Variants in AGAP1 observed in about 807,000 individuals in gnomAD.
The protein encoded by AGAP1 is ArfGAP with GTPase domain, ankyrin repeat and PH domain 1.
A neutral mutation model predicts 105.3 loss-of-function variants in AGAP1; 29 were observed. The ratio of observed to expected loss-of-function variants is 0.28; its 90% CI spans 0.21 to 0.38. The LOEUF is 0.38. Ranked by LOEUF, AGAP1 falls within the 10% of genes least tolerant of loss-of-function variation. The probability of loss-of-function intolerance (pLI) is 1.00; values close to 1 mark genes in which losing one functional copy is unlikely to be tolerated. For missense variants in AGAP1, 998 were observed against 1,165.1 expected, an observed-to-expected ratio of 0.86 and a Z score of 2.09; for synonymous variants, 509 against 485.9, an observed-to-expected ratio of 1.05 and a Z score of -0.63.
At position 235,838,285 on chromosome 2, in the gene AGAP1, T is replaced by C. The variant is rs1358011572; in HGVS notation, c.1050+30954T>C. On this transcript the variant is annotated intron_variant, in intron 9 of 17. Transcript: ENST00000304032. Reference sequence around the variant, plus strand: ...ATTGACAATCAAGCCATCTCACAAATGTAAGTAAATGGCACTATTGATAAA... The same window carrying C: ...ATTGACAATCAAGCCATCTCACAAACGTAAGTAAATGGCACTATTGATAAA... Among the ~76,000 whole-genome samples the C allele has an allele frequency of 2.0e-5, 3 of 151,270 alleles. No homozygotes were observed. In the Admixed American group the frequency reaches 2.0e-4, roughly 10 times the overall value.
rs2056085745 is a variant in AGAP1, at chr2:236,000,782, G to A, written c.1645+32159G>A. On this transcript the variant is annotated intron_variant, in intron 13 of 17. Transcript: ENST00000304032. The surrounding 1 kb of genome is among the most constrained non-coding windows in gnomAD (Gnocchi z 4.3). ...TTTGCAGTGAGGGCCACTAAGGGGG[G>A]CGGAGAAGACCCCTGACAGCAAGAA... 6.6e-6 allele frequency among the ~76,000 whole-genome samples: 1 copy of A among 152,224 alleles called. No homozygotes were observed.
chr2:235,544,742 C>T (rs987253246), intron 1 of AGAP1, among the ~76,000 whole-genome samples: 1 of 152,192 alleles, frequency 6.6e-6, no homozygotes, highest in Non-Finnish European at 1.5e-5. Flanking sequence ...GAGGCTCTCC[C>T]ACACTGCAAC....
At position 235,993,489 on chromosome 2, in the gene AGAP1, G is replaced by A. The variant is rs2055661977; in HGVS notation, c.1645+24866G>A. 6.6e-6 allele frequency among the ~76,000 whole-genome samples: 1 copy of A among 152,224 alleles called. No individual in the cohort carries two copies. Among genetic ancestry groups the A allele is most frequent in the Non-Finnish European group, 1.5e-5 (1 of 68,038 alleles). ...TGGAAGACAGGGAGCACCTCTGCAGGCCTATAGGGAGGTAGTAATTGGATT... is the reference window on the plus strand; with the variant it reads ...TGGAAGACAGGGAGCACCTCTGCAGACCTATAGGGAGGTAGTAATTGGATT... On this transcript the variant is annotated intron_variant, in intron 13 of 17. Transcript: ENST00000304032. This position sits in a 1 kb window ranked among gnomAD's most constrained non-coding sequence, Gnocchi z 5.0.
rs1302841625 is a variant in AGAP1 at position 235,723,989 on chromosome 2, G to A, written c.310+6345G>A. Among the ~76,000 whole-genome samples, 2 of 152,182 alleles carry A rather than the reference G, an allele frequency of 1.3e-5. No homozygotes were observed. Among genetic ancestry groups the A allele is most frequent in the Non-Finnish European group, 1.5e-5 (1 of 68,026 alleles). The stretch of plus-strand genomic sequence containing the variant: ...CCACTGAGGCCCAGCGGCTGCCTGC[G>A]AGGGTCAGTGGTGTCGTAGCCTGCT... On this transcript the variant is annotated intron_variant, in intron 3 of 17. Transcript: ENST00000304032. This position sits in a 1 kb window ranked among gnomAD's most constrained non-coding sequence, Gnocchi z 6.2.
intron 9 of AGAP1, among the ~76,000 whole-genome samples, chr2:235,868,486 G>C (rs766756240): frequency 5.3e-5 from 8 of 152,132 alleles, no homozygotes; most frequent in African/African-American, 1.7e-4. Flanking sequence ...GGCGCCGCCT[G>C]CGTTGAGACT....
intron 15 of AGAP1, among the ~76,000 whole-genome samples, chr2:236,048,536 T>C (rs945309994): frequency 1.3e-5 from 2 of 152,194 alleles, no homozygotes; most frequent in African/African-American, 4.8e-5. Flanking sequence ...AGTGTACCTC[T>C]CTCTCATCTT....
chr2:235,626,980 C>G (rs980415313), intron 1 of AGAP1, among the ~76,000 whole-genome samples: 1 of 152,142 alleles, frequency 6.6e-6, no homozygotes, highest in Non-Finnish European at 1.5e-5. Flanking sequence ...GTCATTCCAG[C>G]GCATAGATAT....
rs1321107481 is a variant in AGAP1 at position 235,535,179 on chromosome 2, C to T, written c.163+40330C>T. Among the ~76,000 whole-genome samples, 3 of 152,072 alleles carry T rather than the reference C, an allele frequency of 2.0e-5. No homozygotes were observed. Among genetic ancestry groups the T allele is most frequent in the Admixed American group, 6.5e-5 (1 of 15,280 alleles). ...AGGTCAGCCTCCCTCCACCGGGCCA[C>T]CCGCACCAGGTTGCCTCCCATCGTT... On this transcript the variant is annotated intron_variant, in intron 1 of 17. Coordinates refer to ENST00000304032, the MANE Select transcript of AGAP1 (RefSeq NM_001037131.3). The surrounding 1 kb of genome is among the most constrained non-coding windows in gnomAD (Gnocchi z 5.1).
intron 6 of AGAP1, among the ~76,000 whole-genome samples, chr2:235,760,598 T>C (rs1954357610): frequency 6.6e-6 from 1 of 152,238 alleles, no homozygotes; most frequent in Admixed American, 6.5e-5. Context: ...TTATTATTTC[T>C]TAATTGAGAC....
In AGAP1 at chr2:235,965,435, A is replaced by G. The variant is rs147424321; in HGVS notation, c.1484-3027A>G. ...AACAGTGTGCCGTTTTGAAGAAGCAATGGTGAAGGAAGCCAGACTTCAAGG... is the reference window on the plus strand; with the variant it reads ...AACAGTGTGCCGTTTTGAAGAAGCAGTGGTGAAGGAAGCCAGACTTCAAGG... On this transcript the variant is annotated intron_variant, in intron 12 of 17. Coordinates refer to ENST00000304032, the MANE Select transcript of AGAP1 (RefSeq NM_001037131.3). The surrounding 1 kb of genome is among the most constrained non-coding windows in gnomAD (Gnocchi z 5.8). Among the ~76,000 whole-genome samples the G allele has an allele frequency of 4.2e-3, 647 of 152,290 alleles. 3 individuals are homozygous for G. The highest frequency in any genetic ancestry group is 5.5e-3 in the African/African-American group (230 of 41,562).
At position 235,565,506 on chromosome 2, in the gene AGAP1, T is replaced by TG. The variant is rs1249401345; in HGVS notation, c.163+70661dup. 1.5e-3 allele frequency among the ~76,000 whole-genome samples: 227 copies of TG among 152,254 alleles called. 2 individuals are homozygous for TG. Among genetic ancestry groups the TG allele is most frequent in the African/African-American group, 5.0e-3 (207 of 41,524 alleles). On this transcript the variant is annotated intron_variant, in intron 1 of 17. Coordinates refer to ENST00000304032, the MANE Select transcript of AGAP1 (RefSeq NM_001037131.3). The stretch of plus-strand genomic sequence containing the variant: ...AATTAACAGTGTGACCTACGAAAGG[T>TG]GGGGCGGGGCTCACAGGAACTAACC...
At position 235,963,977 on chromosome 2, in the gene AGAP1, G is replaced by C. The variant is rs1194513769; in HGVS notation, c.1484-4485G>C. On this transcript the variant is annotated intron_variant, in intron 12 of 17. Coordinates refer to ENST00000304032, the MANE Select transcript of AGAP1 (RefSeq NM_001037131.3). The surrounding 1 kb of genome is among the most constrained non-coding windows in gnomAD (Gnocchi z 5.1). Reference sequence around the variant, plus strand: ...AAAACAACCGCTGGATAACGGAAGAGAGTTTATGATATAATGCACCTACTG... The same window carrying C: ...AAAACAACCGCTGGATAACGGAAGACAGTTTATGATATAATGCACCTACTG... Among the ~76,000 whole-genome samples the C allele has an allele frequency of 6.6e-6, 1 of 152,186 alleles. No homozygotes were observed. The highest frequency in any genetic ancestry group is 2.4e-5 in the African/African-American group (1 of 41,446).
rs548858308 is a variant in AGAP1, at chr2:235,508,118, C to CT, written c.163+13274dup. The stretch of plus-strand genomic sequence containing the variant: ...TTGCTGCACAGGGCGTGATCTCATT[C>CT]TTTTTATTATGGCTGCATAGTACTC... On this transcript the variant is annotated intron_variant, in intron 1 of 17. Transcript: ENST00000304032. Among the ~76,000 whole-genome samples the CT allele has an allele frequency of 2.3e-3, 355 of 152,258 alleles. 1 individual carries two copies. Among genetic ancestry groups the CT allele is most frequent in the African/African-American group, 8.4e-3 (347 of 41,546 alleles).
At chr2:235,835,084 T>C (rs1247822190) in intron 9 of AGAP1, among the ~76,000 whole-genome samples, 1 of 152,188 alleles carries the variant, frequency 6.6e-6, no homozygotes. Context: ...TTCTCTACTT[T>C]TGCTCTCCCC....
At chr2:236,100,093 C>T (rs1012909065) in intron 16 of AGAP1, among the ~76,000 whole-genome samples, 2 of 151,962 alleles carry the variant, frequency 1.3e-5, no homozygotes, top group Non-Finnish European at 2.9e-5. Context: ...GAGCATGGGC[C>T]CCTTCTGAGC....
intron 6 of AGAP1, among the ~76,000 whole-genome samples, chr2:235,757,481 T>G (rs1954028347): frequency 6.6e-6 from 1 of 152,138 alleles, no homozygotes; most frequent in Non-Finnish European, 1.5e-5. Context: ...GGTGGATGGG[T>G]GTTTATCTGG....
Position 235,600,735 on chromosome 2 carries a change from T to C in AGAP1, c.163+105886T>C, listed in dbSNP as rs1433317573. ...GTTTTTCTGCCTGCTTTATATTTGC[T>C]GGCAGCTGATTAAATGATGCCCACC... On this transcript the variant is annotated intron_variant, in intron 1 of 17. Coordinates refer to ENST00000304032, the MANE Select transcript of AGAP1 (RefSeq NM_001037131.3). This position sits in a 1 kb window ranked among gnomAD's most constrained non-coding sequence, Gnocchi z 4.8. Among the ~76,000 whole-genome samples, 1 of 152,188 alleles carries C rather than the reference T, an allele frequency of 6.6e-6. No individual in the cohort carries two copies. The highest frequency in any genetic ancestry group is 2.4e-5 in the African/African-American group (1 of 41,450).
intron 9 of AGAP1, among the ~76,000 whole-genome samples, chr2:235,839,988 C>G (rs1960622146): frequency 6.6e-6 from 1 of 152,210 alleles, no homozygotes; most frequent in African/African-American, 2.4e-5. Flanking sequence ...AAATTAAAAT[C>G]TGAAATAATT....
chr2:236,064,649 A>G (rs767357610), intron 16 of AGAP1, among the ~76,000 whole-genome samples: 4 of 152,138 alleles, frequency 2.6e-5, no homozygotes, highest in Non-Finnish European at 5.9e-5. Flanking sequence ...GAGCATGGAA[A>G]GAGCCCTCCA....
Sources: allele counts gnomAD v4.1 joint callset (sites outside exome capture counted in the v4.1 genomes callset), GRCh38; gene constraint gnomAD v4.1.1; non-coding constraint Gnocchi (gnomAD v3.1); transcripts MANE v1.5; gene names NCBI Gene and HGNC (gene_info 2026-07-23, HGNC 2026-07-21).